GPSM1: variants seen among roughly 807,000 people sequenced by gnomAD.
GPSM1 encodes the protein G protein-signaling modulator 1.
Under a neutral mutation model 70.5 loss-of-function variants are expected in GPSM1, and 48 were observed. That is an observed-to-expected ratio of 0.68 (90% CI 0.54 to 0.87). GPSM1 has a LOEUF of 0.87. Among genes scored for constraint, GPSM1 ranks in the 40% least tolerant of loss-of-function variants. The pLI is 0.00. For missense variants in GPSM1, 981 were observed against 972.6 expected (o/e 1.01, Z -0.11); for synonymous variants, 416 against 430.1 (o/e 0.97, Z 0.41).
Position 136,338,718 on chromosome 9 carries a change from G to T in GPSM1, c.974+8G>T. On this transcript the variant is annotated splice_region_variant and intron_variant, in intron 7 of 13. Transcript: ENST00000440944. Reference sequence around the variant, plus strand: ...CCAGGAGCTGGCCGACAGGTGCGTGGGCGCGGACGCGGCGGGCAGACCCGG... The same window carrying T: ...CCAGGAGCTGGCCGACAGGTGCGTGTGCGCGGACGCGGCGGGCAGACCCGG... 6.5e-7 allele frequency: 1 copy of T among 1,542,360 alleles called. No individual in the cohort carries two copies.
chr9:136,352,085 C>T (rs1477283475), intron 11 of GPSM1, among the ~76,000 whole-genome samples: 2 of 149,938 alleles, frequency 1.3e-5, no homozygotes, highest in Non-Finnish European at 1.5e-5. Flanking sequence ...GACACCAATA[C>T]TGCGCCGTTG....
intron 6 of GPSM1, among the ~76,000 whole-genome samples, chr9:136,338,284 T>C (rs1832298953): frequency 6.6e-6 from 1 of 152,164 alleles, no homozygotes; most frequent in Non-Finnish European, 1.5e-5. Flanking sequence ...GCCTGAGCAG[T>C]GGGCACAGCA....
intron 6 of GPSM1, 95 bp downstream of exon 6, chr9:136,338,056 GCCTCC>G (rs1485127860): frequency 5.0e-6 from 4 of 797,868 alleles, no homozygotes; most frequent in Non-Finnish European, 6.1e-6. Flanking sequence ...GAATCTGACT[GCCTCC>G]CCTCCCCTCC....
intron 11 of GPSM1, among the ~76,000 whole-genome samples, chr9:136,354,212 G>T (rs1307544588): frequency 6.6e-6 from 1 of 152,222 alleles, no homozygotes; most frequent in Non-Finnish European, 1.5e-5. Context: ...TCAGCTCAAG[G>T]GTCTGAATCC....
intron 1 of GPSM1, 78 bp downstream of exon 1, chr9:136,327,841 G>A: frequency 2.0e-6 from 1 of 500,066 alleles, no homozygotes; most frequent in Non-Finnish European, 2.9e-6. Flanking sequence ...GGAGGCTGCA[G>A]TTGGGAACAA....
chr9:136,331,615 C>A (rs1170813383), intron 1 of GPSM1, among the ~76,000 whole-genome samples: 1 of 152,194 alleles, frequency 6.6e-6, no homozygotes, highest in Non-Finnish European at 1.5e-5. Context: ...ACGTGCCTGG[C>A]GCTCCCGAGT....
chr9:136,355,941 G>A (rs1277938705), intron 12 of GPSM1, 95 bp downstream of exon 12: 10 of 1,036,824 alleles, frequency 9.6e-6, no homozygotes, highest in Non-Finnish European at 1.4e-5. Flanking sequence ...GTTTTCGGGG[G>A]CAGACCAGCA....
At chr9:136,352,330 G>C (rs28413886) in intron 11 of GPSM1, among the ~76,000 whole-genome samples, 1,287 of 26,232 alleles carry the variant, frequency 0.049, 165 homozygotes, top group East Asian at 0.11. Flanking sequence ...CGCCGTTGCT[G>C]TTGGTGACCA....
At chr9:136,328,982 G>C (rs1472568493) in intron 1 of GPSM1, among the ~76,000 whole-genome samples, 1 of 145,128 alleles carries the variant, frequency 6.9e-6, no homozygotes, top group African/African-American at 2.9e-5. Flanking sequence ...TGAGTGTGTG[G>C]AGCTGTGAGA....
In GPSM1 at chr9:136,358,138, G is replaced by T. The variant is rs764332882; in HGVS notation, c.1946G>T (p.Arg649Leu). 1 of 1,609,466 alleles carries T rather than the reference G, an allele frequency of 6.2e-7. No individual in the cohort carries two copies. Among genetic ancestry groups the T allele is most frequent in the Non-Finnish European group, 8.5e-7 (1 of 1,178,348 alleles). The change falls in exon 14 of 14, where the codon CGG becomes CTG. Residue 649 changes from arginine to leucine, a missense_variant. Physicochemically the swap from Arg to Leu is moderately radical, Grantham distance 102. Coordinates refer to ENST00000440944, the MANE Select transcript of GPSM1 (RefSeq NM_001145638.3). ...CAGGCTAAGCGCATGGACGAGCAGC[G>T]GGTGGACCTCGCCGGGGGCCCGGAG... ...RVQAKRMDEQ[R>L]VDLAGGPEQG... is the part of the protein sequence containing the mutation.
chr9:136,357,955 C>A, intron 13 of GPSM1, 59 bp from the exon 14 acceptor site: 1 of 1,388,784 alleles, frequency 7.2e-7, no homozygotes, highest in South Asian at 1.2e-5. Flanking sequence ...CGCTGCTGAC[C>A]AGCCCCGGAC....
At chr9:136,354,612 CACAA>C (rs1832762379) in intron 11 of GPSM1, among the ~76,000 whole-genome samples, 1 of 152,220 alleles carries the variant, frequency 6.6e-6, no homozygotes, top group African/African-American at 2.4e-5. Context: ...TTGGAACCAT[CACAA>C]ACACCCTTCA....
chr9:136,354,996 G>A, intron 11 of GPSM1: 2 of 1,087,924 alleles, frequency 1.8e-6, no homozygotes, highest in Non-Finnish European at 2.2e-6. Flanking sequence ...GAGGGGAGAA[G>A]TCCGGGGCAG....
intron 3 of GPSM1, 103 bp from the exon 4 acceptor site, chr9:136,336,818 C>G (rs1832248328): frequency 1.7e-6 from 2 of 1,199,374 alleles, no homozygotes; most frequent in East Asian, 5.2e-5. Context: ...CCCCAAGGCC[C>G]TCGCTGTCGA....
chr9:136,328,859 T>C (rs1341980726), intron 1 of GPSM1, among the ~76,000 whole-genome samples: 1 of 152,102 alleles, frequency 6.6e-6, no homozygotes, highest in African/African-American at 2.4e-5. Context: ...CCCTAAAGGA[T>C]TTTCAAGGGT....
At position 136,337,448 on chromosome 9, in the gene GPSM1, C is replaced by T; in HGVS notation, c.586C>T (p.Leu196=). The change falls in exon 5 of 14, where the codon CTG becomes TTG. Residue 196 remains leucine, a synonymous_variant. Coordinates refer to ENST00000440944, the MANE Select transcript of GPSM1 (RefSeq NM_001145638.3). ...GAGGCACTCGGCCCCCAGGAGGAAC[C>T]TGTCCCTGGTGAAGGAGCTGGGCGA... ...CKASEFYERN[L]SLVKELGDRA... is the part of the protein sequence containing the mutation. 1 of 1,569,990 alleles carries T rather than the reference C, an allele frequency of 6.4e-7. No individual in the cohort carries two copies. The highest frequency in any genetic ancestry group is 1.2e-5 in the South Asian group (1 of 85,340).
Position 136,343,298 on chromosome 9 carries a change from C to G in GPSM1, c.1207+2305C>G, listed in dbSNP as rs1423607517. ...GCAAGGGTGCCAGGCAGGACGGAGG[C>G]TCTGCTGCCACTCTTGGTGCGGGCA... On this transcript the variant is annotated intron_variant, in intron 9 of 13. Coordinates refer to ENST00000440944, the MANE Select transcript of GPSM1 (RefSeq NM_001145638.3). This position sits in a 1 kb window ranked among gnomAD's most constrained non-coding sequence, Gnocchi z 6.0. 6.6e-6 allele frequency among the ~76,000 whole-genome samples: 1 copy of G among 151,928 alleles called. No homozygotes were observed. The highest frequency in any genetic ancestry group is 6.5e-5 in the Admixed American group (1 of 15,294).
intron 9 of GPSM1, among the ~76,000 whole-genome samples, chr9:136,344,242 C>T (rs1283114565): frequency 1.4e-5 from 2 of 140,104 alleles, no homozygotes; most frequent in South Asian, 2.3e-4. Flanking sequence ...CGGGGTGGGG[C>T]GCAGACAGGA....
At chr9:136,333,440 G>A (rs58496611) in intron 1 of GPSM1, among the ~76,000 whole-genome samples, 54,586 of 151,750 alleles carry the variant, frequency 0.36, 10,116 homozygotes, top group Middle Eastern at 0.51. Flanking sequence ...CTCCCCGGCA[G>A]CTGAGTGCCA....
Sources: gnomAD v4.1 joint callset for allele counts (sites outside exome capture counted in the v4.1 genomes callset) on GRCh38, gnomAD v4.1.1 for gene constraint, Gnocchi (gnomAD v3.1) non-coding constraint, MANE v1.5 for transcripts, NCBI Gene and HGNC (gene_info 2026-07-23, HGNC 2026-07-21) for gene names.